Variants in BICC1 observed in about 807,000 individuals in gnomAD.
The protein encoded by BICC1 is BicC family RNA binding protein 1, also known as protein bicaudal C homolog 1.
Under a neutral mutation model 111.0 loss-of-function variants are expected in BICC1, and 43 were observed. The ratio of observed to expected loss-of-function variants is 0.39; its 90% CI spans 0.30 to 0.50. BICC1 has a LOEUF of 0.50. Among genes scored for constraint, BICC1 ranks in the 20% least tolerant of loss-of-function variants. The pLI is 0.88. For missense variants in BICC1, 1,091 were observed against 1,203.2 expected (o/e 0.91, Z 1.38); for synonymous variants, 467 against 434.4 (o/e 1.07, Z -0.93).
At chr10:58,625,194 C>G (rs1845951392) in intron 2 of BICC1, among the ~76,000 whole-genome samples, 1 of 152,202 alleles carries the variant, frequency 6.6e-6, no homozygotes, top group Admixed American at 6.5e-5. Flanking sequence ...AACAATCTTC[C>G]AGTTTTTTAC....
At chr10:58,569,481 C>T (rs539245136) in intron 1 of BICC1, among the ~76,000 whole-genome samples, 14 of 152,048 alleles carry the variant, frequency 9.2e-5, no homozygotes, top group South Asian at 2.1e-4. Flanking sequence ...CATGGTGGTT[C>T]GCTGCACCCA....
intron 1 of BICC1, among the ~76,000 whole-genome samples, chr10:58,599,289 G>A (rs1372548601): frequency 1.3e-5 from 2 of 152,124 alleles, no homozygotes; most frequent in African/African-American, 4.8e-5. Flanking sequence ...AGAAAATGTG[G>A]CACATATACA....
chr10:58,633,999 T>TC (rs1564523300), intron 2 of BICC1, among the ~76,000 whole-genome samples: 159 of 147,442 alleles, frequency 1.1e-3, no homozygotes, highest in African/African-American at 3.6e-3. Context: ...TCTTTTCTTT[T>TC]TTTTTTTTTT....
intron 3 of BICC1, among the ~76,000 whole-genome samples, chr10:58,710,601 T>A (rs1056837418): frequency 6.6e-6 from 1 of 152,232 alleles, no homozygotes; most frequent in Non-Finnish European, 1.5e-5. Context: ...TGCTATTTCA[T>A]GCCATGTGTT....
chr10:58,602,669 G>A (rs1292344212), intron 1 of BICC1, among the ~76,000 whole-genome samples: 1 of 152,176 alleles, frequency 6.6e-6, no homozygotes, highest in East Asian at 1.9e-4. Flanking sequence ...AAAAGTAGGT[G>A]TGTGATTTAT....
At chr10:58,819,546 A>C (rs58171968) in intron 19 of BICC1, among the ~76,000 whole-genome samples, 1 of 152,176 alleles carries the variant, frequency 6.6e-6, no homozygotes, top group Non-Finnish European at 1.5e-5. Context: ...TCATTTAGCA[A>C]CTTTCACAGG....
intron 1 of BICC1, among the ~76,000 whole-genome samples, chr10:58,618,336 A>G (rs989353463): frequency 2.0e-5 from 3 of 152,234 alleles, no homozygotes; most frequent in Admixed American, 2.0e-4. Flanking sequence ...GCGCATGTAC[A>G]CAATTCCACT....
At chr10:58,788,646 G>A (rs1396003890) in intron 6 of BICC1, among the ~76,000 whole-genome samples, 2 of 152,076 alleles carry the variant, frequency 1.3e-5, no homozygotes, top group African/African-American at 2.4e-5. Flanking sequence ...TTTTTTCACT[G>A]AAAATGTTTC....
chr10:58,589,389 A>G (rs945973322), intron 1 of BICC1, among the ~76,000 whole-genome samples: 1 of 152,176 alleles, frequency 6.6e-6, no homozygotes, highest in Non-Finnish European at 1.5e-5. Context: ...GGGAGGTTAA[A>G]TAATTTTGCT....
At chr10:58,605,107 C>T (rs1845166864) in intron 1 of BICC1, among the ~76,000 whole-genome samples, 1 of 152,150 alleles carries the variant, frequency 6.6e-6, no homozygotes, top group Admixed American at 6.5e-5. Flanking sequence ...ACATTTAGAC[C>T]AGAGCAAATG....
chr10:58,765,167 C>T (rs1388645203), intron 3 of BICC1, among the ~76,000 whole-genome samples: 1 of 152,100 alleles, frequency 6.6e-6, no homozygotes, highest in Non-Finnish European at 1.5e-5. Flanking sequence ...ACTGCAACCT[C>T]CGCCTCTCCG....
At chr10:58,675,741 T>C (rs1839318478) in intron 2 of BICC1, among the ~76,000 whole-genome samples, 1 of 152,226 alleles carries the variant, frequency 6.6e-6, no homozygotes, top group African/African-American at 2.4e-5. Context: ...TTACAGAATG[T>C]AAACATATAC....
intron 3 of BICC1, among the ~76,000 whole-genome samples, chr10:58,767,044 C>G (rs1284912662): frequency 2.0e-5 from 3 of 152,284 alleles, no homozygotes; most frequent in African/African-American, 7.2e-5. Context: ...AGGAGGCCTG[C>G]CCATGAGCTA....
intron 3 of BICC1, among the ~76,000 whole-genome samples, chr10:58,728,124 A>G (rs1841170426): frequency 6.6e-6 from 1 of 152,192 alleles, no homozygotes; most frequent in Non-Finnish European, 1.5e-5. Flanking sequence ...TACGAAAGTC[A>G]ACAATGAAGT....
chr10:58,790,842 T>TG (rs1296821728), intron 8 of BICC1, among the ~76,000 whole-genome samples: 1 of 152,076 alleles, frequency 6.6e-6, no homozygotes, highest in Non-Finnish European at 1.5e-5. Context: ...ACTATCCCAG[T>TG]GTATGGGTTG....
chr10:58,549,090 C>A (rs1184651032), intron 1 of BICC1, among the ~76,000 whole-genome samples: 1 of 152,060 alleles, frequency 6.6e-6, no homozygotes, highest in Non-Finnish European at 1.5e-5. Flanking sequence ...AAGCAATCTG[C>A]CCATCTTGGC....
chr10:58,540,614 C>T (rs1564478301), intron 1 of BICC1, among the ~76,000 whole-genome samples: 1 of 151,924 alleles, frequency 6.6e-6, no homozygotes, highest in Non-Finnish European at 1.5e-5. Context: ...ATTGAATCAG[C>T]AATCAGAAGC....
At chr10:58,646,970 GA>G (rs1308637942) in intron 2 of BICC1, among the ~76,000 whole-genome samples, 1 of 151,724 alleles carries the variant, frequency 6.6e-6, no homozygotes, top group Non-Finnish European at 1.5e-5. Context: ...CTTATAGAAA[GA>G]AAAAAATTAC....
intron 2 of BICC1, among the ~76,000 whole-genome samples, chr10:58,664,327 T>C (rs1044223694): frequency 2.6e-5 from 4 of 152,212 alleles, no homozygotes; most frequent in Non-Finnish European, 5.9e-5. Flanking sequence ...TCGAGCATTT[T>C]TTAATGTGCT....
Sources: gnomAD v4.1 joint callset for allele counts (sites outside exome capture counted in the v4.1 genomes callset) on GRCh38, gnomAD v4.1.1 for gene constraint, MANE v1.5 for transcripts, NCBI Gene and HGNC (gene_info 2026-07-23, HGNC 2026-07-21) for gene names.